ZFHX3: variants seen among roughly 807,000 people sequenced by gnomAD.
ZFHX3 encodes zinc finger homeobox protein 3.
Under a neutral mutation model 279.1 loss-of-function variants are expected in ZFHX3, and 42 were observed. The ratio of observed to expected loss-of-function variants is 0.15; its 90% CI spans 0.12 to 0.19. The LOEUF (loss-of-function observed/expected upper bound fraction) is 0.19. Ranked by LOEUF, ZFHX3 falls within the 10% of genes least tolerant of loss-of-function variation. The pLI, the probability that ZFHX3 is intolerant of heterozygous loss-of-function variation, is 1.00. For missense variants in ZFHX3, 4,981 were observed against 4,754.0 expected (o/e 1.05, Z -1.40); for synonymous variants, 2,293 against 1,957.8 (o/e 1.17, Z -4.52).
At chr16:73,539,791 A>T (rs2019979186) in intron 2 of ZFHX3, among the ~76,000 whole-genome samples, 1 of 151,882 alleles carries the variant, frequency 6.6e-6, no homozygotes, top group Non-Finnish European at 1.5e-5. Flanking sequence ...GTTTTCTTAC[A>T]CTCCTATGCC....
At chr16:73,751,774 C>T (rs1385307084) in intron 1 of ZFHX3, among the ~76,000 whole-genome samples, 1 of 152,132 alleles carries the variant, frequency 6.6e-6, no homozygotes, top group Non-Finnish European at 1.5e-5. Flanking sequence ...ACTCCAAATG[C>T]ACCCATCTAG....
chr16:73,527,530 C>T (rs867685548), intron 2 of ZFHX3, among the ~76,000 whole-genome samples: 2 of 152,142 alleles, frequency 1.3e-5, no homozygotes, highest in South Asian at 2.1e-4. Context: ...GCGCTTATGT[C>T]ACTCCCTCCC....
chr16:73,527,175 A>G (rs1286531459), intron 2 of ZFHX3, among the ~76,000 whole-genome samples: 1 of 152,060 alleles, frequency 6.6e-6, no homozygotes, highest in Non-Finnish European at 1.5e-5. Flanking sequence ...GCTATACTAT[A>G]TAGTTTTTTT....
chr16:73,338,586 G>A (rs941465193), intron 3 of ZFHX3, among the ~76,000 whole-genome samples: 1 of 152,012 alleles, frequency 6.6e-6, no homozygotes, highest in Non-Finnish European at 1.5e-5. Context: ...CGATTCGATG[G>A]AATCATGCAA....
intron 3 of ZFHX3, among the ~76,000 whole-genome samples, chr16:72,913,214 C>T (rs1451079707): frequency 6.6e-6 from 1 of 152,212 alleles, no homozygotes; most frequent in Non-Finnish European, 1.5e-5. Flanking sequence ...AAGAAATGAG[C>T]ATTGCTACAA....
At chr16:72,885,172 A>G (rs2038593153) in intron 4 of ZFHX3, among the ~76,000 whole-genome samples, 1 of 152,212 alleles carries the variant, frequency 6.6e-6, no homozygotes, top group Admixed American at 6.5e-5. Flanking sequence ...TGAACCAAAG[A>G]CAATTTACCA....
intron 1 of ZFHX3, among the ~76,000 whole-genome samples, chr16:73,795,432 T>G (rs987449315): frequency 2.0e-5 from 3 of 152,176 alleles, no homozygotes; most frequent in African/African-American, 7.2e-5. Context: ...CGAGAGTCAG[T>G]CTTCATTGGT....
At chr16:73,035,494 A>G (rs1189041756) in intron 1 of ZFHX3, among the ~76,000 whole-genome samples, 21 of 152,240 alleles carry the variant, frequency 1.4e-4, no homozygotes, top group Admixed American at 1.3e-3. Context: ...ATACTTTTAA[A>G]TGGGCTGAAC....
At chr16:73,534,480 A>C (rs2019859892) in intron 2 of ZFHX3, among the ~76,000 whole-genome samples, 1 of 152,154 alleles carries the variant, frequency 6.6e-6, no homozygotes, top group African/African-American at 2.4e-5. Flanking sequence ...ATAATGTGTA[A>C]CTTTATGGTG....
chr16:73,364,749 G>A (rs2143322522), intron 3 of ZFHX3, among the ~76,000 whole-genome samples: 1 of 152,308 alleles, frequency 6.6e-6, no homozygotes, highest in Admixed American at 6.5e-5. Context: ...TAAGCACCCT[G>A]CGACCGTGTG....
intron 5 of ZFHX3, among the ~76,000 whole-genome samples, chr16:73,146,853 C>T (rs1375145814): frequency 1.3e-5 from 2 of 152,052 alleles, no homozygotes; most frequent in South Asian, 2.1e-4. Flanking sequence ...TGTGGAATTT[C>T]GCCATGTTGC....
chr16:73,588,942 T>A (rs543765476), intron 2 of ZFHX3, among the ~76,000 whole-genome samples: 2 of 150,538 alleles, frequency 1.3e-5, no homozygotes, highest in African/African-American at 4.9e-5. Context: ...GAGCCCAGAG[T>A]CTGGTTCAAA....
At chr16:73,739,798 G>A (rs1174913466) in intron 1 of ZFHX3, among the ~76,000 whole-genome samples, 1 of 152,156 alleles carries the variant, frequency 6.6e-6, no homozygotes, top group African/African-American at 2.4e-5. Context: ...GCCCAGGGAG[G>A]GGCTCTCACT....
chr16:72,847,230 AT>A (rs2037503665), intron 4 of ZFHX3, among the ~76,000 whole-genome samples: 1 of 152,188 alleles, frequency 6.6e-6, no homozygotes, highest in Non-Finnish European at 1.5e-5. Context: ...TGAATTTGGT[AT>A]TGAGGATGAA....
intron 1 of ZFHX3, among the ~76,000 whole-genome samples, chr16:73,773,577 G>A (rs76361727): frequency 0.031 from 4,774 of 152,208 alleles, 228 homozygotes; most frequent in African/African-American, 0.1. Flanking sequence ...TAATGTGTCC[G>A]TGGAAAGCCC....
chr16:73,589,908 T>C (rs1230793065), intron 2 of ZFHX3, among the ~76,000 whole-genome samples: 1 of 152,064 alleles, frequency 6.6e-6, no homozygotes, highest in Non-Finnish European at 1.5e-5. Context: ...TTGGAAACAT[T>C]ATCTCTCAGA....
intron 6 of ZFHX3, among the ~76,000 whole-genome samples, chr16:73,143,274 G>A (rs1007906413): frequency 6.6e-6 from 1 of 151,994 alleles, no homozygotes; most frequent in African/African-American, 2.4e-5. Context: ...AATGGACCCC[G>A]AGAAGAGAAG....
chr16:73,389,995 T>G (rs1392158997), intron 3 of ZFHX3, among the ~76,000 whole-genome samples: 1 of 152,070 alleles, frequency 6.6e-6, no homozygotes, highest in Non-Finnish European at 1.5e-5. Flanking sequence ...GGGAGGCGGA[T>G]GTTGCAGTAA....
At chr16:73,394,696 G>A (rs1016033052) in intron 3 of ZFHX3, among the ~76,000 whole-genome samples, 5 of 152,122 alleles carry the variant, frequency 3.3e-5, no homozygotes, top group Non-Finnish European at 1.5e-5. Flanking sequence ...TATAAAAACT[G>A]GTATGGTAAA....
Sources: gnomAD v4.1 joint callset for allele counts (sites outside exome capture counted in the v4.1 genomes callset) on GRCh38, gnomAD v4.1.1 for gene constraint, MANE v1.5 for transcripts, NCBI Gene and HGNC (gene_info 2026-07-23, HGNC 2026-07-21) for gene names.